SUSD1: variants seen among roughly 807,000 people sequenced by gnomAD.
The protein encoded by SUSD1 is sushi domain-containing protein 1.
In SUSD1, 65 loss-of-function variants were observed where a neutral mutation model predicts 86.9. The observed-to-expected ratio is 0.75, with a 90% CI of 0.61 to 0.92. SUSD1 has a LOEUF of 0.92. Ranked by LOEUF, SUSD1 falls within the 40% of genes least tolerant of loss-of-function variation. The pLI is 0.00. For synonymous variants in SUSD1, 346 were observed against 350.0 expected (o/e 0.99, Z 0.13); for missense variants, 850 against 929.7 (o/e 0.91, Z 1.11).
intron 14 of SUSD1, among the ~76,000 whole-genome samples, chr9:112,052,876 T>C (rs1828281113): frequency 2.0e-5 from 3 of 152,208 alleles, no homozygotes; most frequent in African/African-American, 7.2e-5. Context: ...TAATACTTCA[T>C]CTATCTAGAT....
At chr9:112,048,388 C>G (rs1469093331) in intron 15 of SUSD1, among the ~76,000 whole-genome samples, 1 of 152,168 alleles carries the variant, frequency 6.6e-6, no homozygotes, top group African/African-American at 2.4e-5. Flanking sequence ...TATATATGTA[C>G]ATATATACAC....
At chr9:112,057,090 G>A (rs1828483237) in intron 14 of SUSD1, among the ~76,000 whole-genome samples, 1 of 152,132 alleles carries the variant, frequency 6.6e-6, no homozygotes, top group South Asian at 2.1e-4. Flanking sequence ...GATGGGATAA[G>A]TGTCCTAATA....
intron 1 of SUSD1, among the ~76,000 whole-genome samples, chr9:112,159,937 C>T (rs1372831729): frequency 3.3e-5 from 5 of 150,906 alleles, no homozygotes; most frequent in Non-Finnish European, 7.4e-5. Context: ...AAAGAACACA[C>T]AAAACAGCAG....
chr9:112,114,128 T>A (rs937758296), intron 6 of SUSD1, among the ~76,000 whole-genome samples: 1 of 152,172 alleles, frequency 6.6e-6, no homozygotes, highest in Non-Finnish European at 1.5e-5. Context: ...TGTATTTCTA[T>A]ATACTAGCAA....
chr9:112,155,913 GA>G lies in SUSD1; in HGVS notation c.217+1586del, dbSNP rs1333306199. On this transcript the variant is annotated intron_variant, in intron 2 of 16. Transcript: ENST00000374270. ...AGAGGGAGAAGGAGAAAAGAAAGAA[GA>G]GGAGGAGGAAGAAGAAGGAAGAGAA... Among the ~76,000 whole-genome samples the G allele has an allele frequency of 5.1e-4, 77 of 150,808 alleles. 3 individuals carry two copies. The Admixed American group carries it at 5.1e-3, about 10-fold the overall frequency.
chr9:112,085,332 T>C (rs147882878), intron 10 of SUSD1, among the ~76,000 whole-genome samples: 284 of 152,310 alleles, frequency 1.9e-3, no homozygotes, highest in Middle Eastern at 6.8e-3. Context: ...ATGTAAGTAA[T>C]AGTTAACATT....
rs1203877416 is a variant in SUSD1, at chr9:112,113,629, T to C, written c.887-761A>G. Among the ~76,000 whole-genome samples the C allele has an allele frequency of 6.6e-6, 1 of 152,192 alleles. No homozygotes were observed. Among genetic ancestry groups the C allele is most frequent in the African/African-American group, 2.4e-5 (1 of 41,452 alleles). On this transcript the variant is annotated intron_variant, in intron 6 of 16. Coordinates refer to ENST00000374270, the MANE Select transcript of SUSD1 (RefSeq NM_022486.5). This position sits in a 1 kb window ranked among gnomAD's most constrained non-coding sequence, Gnocchi z 4.1. ...GAACGAAAGGGGATCTAGCTTTTTA[T>C]TTCTTTGAAATCAAATTCCCAGCCG... is the stretch of plus-strand genomic sequence containing the variant.
intron 12 of SUSD1, among the ~76,000 whole-genome samples, chr9:112,067,587 CAAG>C (rs1475859018): frequency 2.1e-4 from 32 of 152,270 alleles, no homozygotes; most frequent in Non-Finnish European, 5.9e-5. Context: ...TGCATTTGTG[CAAG>C]AAGAATTGCT....
intron 9 of SUSD1, among the ~76,000 whole-genome samples, chr9:112,099,695 G>A (rs1298188100): frequency 5.9e-5 from 9 of 152,162 alleles, no homozygotes; most frequent in Admixed American, 5.9e-4. Context: ...TTAGCTGGTG[G>A]AGACATATGC....
At chr9:112,148,959 A>G (rs1404586983) in intron 3 of SUSD1, among the ~76,000 whole-genome samples, 1 of 151,810 alleles carries the variant, frequency 6.6e-6, no homozygotes, top group East Asian at 1.9e-4. Flanking sequence ...AGAATATTAC[A>G]ATGAACTCCC....
intron 11 of SUSD1, 53 bp from the exon 12 acceptor site, chr9:112,078,777 T>C (rs1262855935): frequency 6.7e-7 from 1 of 1,489,072 alleles, no homozygotes; most frequent in Admixed American, 2.0e-5. Flanking sequence ...AGGCTTTAGA[T>C]GCCTTGAAAC....
intron 1 of SUSD1, chr9:112,173,490 C>T (rs1834132921): frequency 5.0e-6 from 1 of 200,198 alleles, no homozygotes; most frequent in Non-Finnish European, 1.1e-5. Context: ...GGGGGACAAT[C>T]CTTCTGTCCT....
intron 5 of SUSD1, among the ~76,000 whole-genome samples, chr9:112,133,452 T>C (rs538676474): frequency 3.3e-5 from 5 of 152,184 alleles, no homozygotes; most frequent in Admixed American, 6.5e-5. Context: ...AAGTAAACAA[T>C]AACAAGCAAA....
At chr9:112,100,223 G>A (rs1047563040) in intron 9 of SUSD1, among the ~76,000 whole-genome samples, 1 of 152,018 alleles carries the variant, frequency 6.6e-6, no homozygotes, top group Non-Finnish European at 1.5e-5. Context: ...GTCTTGCTCT[G>A]TCGCCCAGGC....
Position 112,157,598 on chromosome 9 carries a change from G to T in SUSD1, c.119C>A (p.Ala40Asp). The T allele has an allele frequency of 6.2e-7, 1 of 1,613,524 alleles. No homozygotes were observed. The highest frequency in any genetic ancestry group is 8.5e-7 in the Non-Finnish European group (1 of 1,179,574). The change falls in exon 2 of 17, where the codon GCC (alanine) becomes GAC (aspartate). Residue 40 changes from alanine to aspartate, a missense_variant. Physicochemically the swap from Ala to Asp is moderately radical, Grantham distance 126. Transcript: ENST00000374270. ...APGPDGLDVC[A>D]TCHEHATCQQ... ...GCATGTGGCATGTTCATGGCAAGTG[G>T]CACAGACGTCTAAACCTGAATCATA...
At chr9:112,146,570 T>A (rs886503880) in intron 3 of SUSD1, among the ~76,000 whole-genome samples, 1 of 151,700 alleles carries the variant, frequency 6.6e-6, no homozygotes, top group African/African-American at 2.4e-5. Flanking sequence ...CCTCTTCCCC[T>A]CTTCTTCCCT....
intron 14 of SUSD1, among the ~76,000 whole-genome samples, chr9:112,053,758 G>A (rs1828328623): frequency 6.6e-6 from 1 of 152,146 alleles, no homozygotes; most frequent in Admixed American, 6.5e-5. Flanking sequence ...GTGAAGAAGG[G>A]AGCTTATTAA....
chr9:112,099,734 T>C (rs1356431084), intron 9 of SUSD1, among the ~76,000 whole-genome samples: 1 of 152,194 alleles, frequency 6.6e-6, no homozygotes, highest in Non-Finnish European at 1.5e-5. Flanking sequence ...CTAGCACCAT[T>C]GTCTATACCA....
Position 112,143,664 on chromosome 9 carries a change from G to T in SUSD1, c.374-41C>A, listed in dbSNP as rs761789719. 1.1e-5 allele frequency: 16 copies of T among 1,476,462 alleles called. No homozygotes were observed. In the Admixed American group the frequency reaches 3.4e-4, roughly 31 times the overall value. 91.5% of individuals were successfully genotyped at this position (1,476,462 alleles called of 1,614,324 possible). On this transcript the variant is annotated intron_variant, in intron 3 of 16. Transcript: ENST00000374270. ...AAATAGAGAAAAGGAGATAAAAACA[G>T]AAAAAAGAAAAAAAAAAGGAGAGGA... is the stretch of plus-strand genomic sequence containing the variant.
Sources: gnomAD v4.1 joint callset for allele counts (sites outside exome capture counted in the v4.1 genomes callset) on GRCh38, gnomAD v4.1.1 for gene constraint, Gnocchi (gnomAD v3.1) non-coding constraint, MANE v1.5 for transcripts, NCBI Gene and HGNC (gene_info 2026-07-23, HGNC 2026-07-21) for gene names.